The following RECQL5 variants were observed in gnomAD, a reference collection of about 807,000 sequenced individuals.
RECQL5 encodes the protein ATP-dependent DNA helicase Q5.
Under a neutral mutation model 103.4 loss-of-function variants are expected in RECQL5, and 88 were observed. The ratio of observed to expected loss-of-function variants is 0.85; its 90% CI spans 0.72 to 1.02. The LOEUF is 1.02. RECQL5 is among the 50% of genes least tolerant of loss of function. The pLI is 0.00. For synonymous variants in RECQL5, 552 were observed against 507.9 expected (o/e 1.09, Z -1.17); for missense variants, 1,232 against 1,284.3 (o/e 0.96, Z 0.62).
At chr17:75,628,099 G>A (rs1405792329) in intron 18 of RECQL5, 119 bp downstream of exon 18, 6 of 860,146 alleles carry the variant, frequency 7.0e-6, no homozygotes, top group African/African-American at 1.7e-5. Context: ...CAGGGAGGAC[G>A]GGCGTGGGGC....
At chr17:75,657,747 T>TC (rs1355749833) in intron 7 of RECQL5, among the ~76,000 whole-genome samples, 3 of 112,204 alleles carry the variant, frequency 2.7e-5, no homozygotes, top group African/African-American at 9.9e-5. Context: ...CCTTGTCTCT[T>TC]AAAAAAAAAA....
At position 75,640,392 on chromosome 17, in the gene RECQL5, G is replaced by A; in HGVS notation, c.1230-8724C>T. The A allele has an allele frequency of 6.8e-7, 1 of 1,466,920 alleles. No homozygotes were observed. The allele number at this position is 1,466,920 out of a possible 1,614,324, so 90.9% of individuals were successfully genotyped here. A position where few individuals can be genotyped will look rare whatever the true frequency, so the allele number is the denominator to read the frequency against. On this transcript the variant is annotated intron_variant, in intron 8 of 19. Transcript: ENST00000317905. This position sits in a 1 kb window ranked among gnomAD's most constrained non-coding sequence, Gnocchi z 4.6. ...CATCTGGGAGAGACCACACCATGGT[G>A]CCAGCCAGAGGGCTGGCAGAGGTGG... is the stretch of plus-strand genomic sequence containing the variant.
intron 7 of RECQL5, among the ~76,000 whole-genome samples, chr17:75,654,617 GTTTA>G (rs1307827662): frequency 1.3e-5 from 2 of 151,748 alleles, no homozygotes; most frequent in Admixed American, 1.3e-4. Context: ...ATTTTTATTT[GTTTA>G]TTTATTTATT....
At chr17:75,656,831 G>A (rs953584988) in intron 7 of RECQL5, among the ~76,000 whole-genome samples, 7 of 145,186 alleles carry the variant, frequency 4.8e-5, no homozygotes, top group Non-Finnish European at 1.0e-4. Context: ...TGCAAGCTCT[G>A]CCTCCTGGGT....
chr17:75,630,778 C>A lies in RECQL5; in HGVS notation c.1644+1G>T, dbSNP rs1351364831. The A allele has an allele frequency of 6.4e-7, 1 of 1,565,570 alleles. No homozygotes were observed. The highest frequency in any genetic ancestry group is 2.3e-5 in the East Asian group (1 of 43,056). On this transcript the variant is annotated splice_donor_variant, in intron 12 of 19. Coordinates refer to ENST00000317905, the MANE Select transcript of RECQL5 (RefSeq NM_004259.7). LOFTEE classifies it high-confidence loss of function. ...TGGCTGAGGAGCTGCCCGTCTCTTA[C>A]CTTCACAGTCAGCCTGGGGATCCTC...
intron 8 of RECQL5, chr17:75,633,450 G>T: frequency 7.8e-7 from 1 of 1,289,100 alleles, no homozygotes. Context: ...CCCAGCAGAA[G>T]GCCCTCACCT....
chr17:75,630,256 G>A lies in RECQL5; in HGVS notation c.1740C>T (p.Ala580=), dbSNP rs748275928. The A allele has an allele frequency of 1.8e-5, 28 of 1,561,242 alleles. No individual in the cohort carries two copies. The highest frequency in any genetic ancestry group is 3.3e-4 in the Middle Eastern group (2 of 5,994). Residue 580 remains alanine (A), a synonymous_variant, in exon 14 of 20, where the codon GCC becomes GCT. Coordinates refer to ENST00000317905, the MANE Select transcript of RECQL5 (RefSeq NM_004259.7). Reference sequence around the variant, plus strand: ...GGAATGTCTCATGTTCCAGCTCCACGGCCTTGGCCCGGAGGTCAGCTCTGT... The same window carrying A: ...GGAATGTCTCATGTTCCAGCTCCACAGCCTTGGCCCGGAGGTCAGCTCTGT... ...TADEADLRAK[A]VELEHETFRN...
intron 14 of RECQL5, among the ~76,000 whole-genome samples, 159 bp from the exon 15 acceptor site, chr17:75,630,001 G>C (rs2059176661): frequency 7.2e-6 from 1 of 139,242 alleles, no homozygotes; most frequent in Admixed American, 7.4e-5. Context: ...CATCCTCACA[G>C]GGTTGGCTAG....
At position 75,640,742 on chromosome 17, in the gene RECQL5, T is replaced by A. The variant is rs565540953; in HGVS notation, c.1230-9074A>T. On this transcript the variant is annotated intron_variant, in intron 8 of 19. Coordinates refer to ENST00000317905, the MANE Select transcript of RECQL5 (RefSeq NM_004259.7). The surrounding 1 kb of genome is among the most constrained non-coding windows in gnomAD (Gnocchi z 4.6). The stretch of plus-strand genomic sequence containing the variant: ...GGTTTCTCTGGGAGGAGGGTGGGCA[T>A]CCTTTCTCTCCCCCAACCTGAGTCC... 598 of 1,530,412 alleles carry A rather than the reference T, an allele frequency of 3.9e-4. 3 individuals are homozygous for A. The East Asian group carries it at 0.014, about 35-fold the overall frequency. 94.8% of individuals were successfully genotyped at this position (1,530,412 alleles called of 1,614,324 possible).
chr17:75,662,263 T>C (rs757924159), intron 4 of RECQL5, among the ~76,000 whole-genome samples: 14 of 152,190 alleles, frequency 9.2e-5, no homozygotes, highest in Non-Finnish European at 1.3e-4. Context: ...TCACACAGAC[T>C]GGCTGGCTGC....
intron 1 of RECQL5, 122 bp from the exon 2 acceptor site, chr17:75,666,693 T>G: frequency 4.2e-6 from 4 of 962,712 alleles, no homozygotes; most frequent in Non-Finnish European, 6.1e-6. Flanking sequence ...ATGTATTATT[T>G]TTAAGTAATA....
chr17:75,643,418 C>T (rs1015518880), intron 8 of RECQL5, among the ~76,000 whole-genome samples: 8 of 152,240 alleles, frequency 5.3e-5, no homozygotes, highest in Admixed American at 2.6e-4. Context: ...CTGCTGAGTC[C>T]GCACAGGATT....
At chr17:75,661,435 C>T (rs2059697803) in intron 5 of RECQL5, among the ~76,000 whole-genome samples, 171 bp downstream of exon 5, 1 of 152,198 alleles carries the variant, frequency 6.6e-6, no homozygotes, top group South Asian at 2.1e-4. Flanking sequence ...CATTTTAGAC[C>T]TCATTCATGT....
chr17:75,630,748 GC>G (rs781016037), intron 12 of RECQL5, 30 bp downstream of exon 12: 10 of 1,594,908 alleles, frequency 6.3e-6, no homozygotes, highest in Admixed American at 3.5e-5. Flanking sequence ...GAGGGCCCCG[GC>G]GGGTGGCTGA....
At position 75,650,103 on chromosome 17, in the gene RECQL5, T is replaced by C; in HGVS notation, c.1229+1083A>G. On this transcript the variant is annotated intron_variant, in intron 8 of 19. Coordinates refer to ENST00000317905, the MANE Select transcript of RECQL5 (RefSeq NM_004259.7). Reference sequence around the variant, plus strand: ...TGGCCCTTTCATTCCTCACCAGAAATAAGAGCTCTGCTCAAGAAGCCTAAG... The same window carrying C: ...TGGCCCTTTCATTCCTCACCAGAAACAAGAGCTCTGCTCAAGAAGCCTAAG... 3.0e-6 allele frequency: 3 copies of C among 985,800 alleles called. No individual in the cohort carries two copies. In the South Asian group the frequency reaches 1.4e-4, roughly 46 times the overall value. 61.1% of individuals were successfully genotyped at this position (985,800 alleles called of 1,614,324 possible).
At chr17:75,653,841 TG>T (rs2059584543) in intron 7 of RECQL5, among the ~76,000 whole-genome samples, 1 of 151,786 alleles carries the variant, frequency 6.6e-6, no homozygotes, top group Non-Finnish European at 1.5e-5. Context: ...GAGAATGCAG[TG>T]AGCTGAGATT....
chr17:75,662,995 G>A lies in RECQL5; in HGVS notation c.255C>T (p.Asp85=), dbSNP rs755988707. 6.3e-7 allele frequency: 1 copy of A among 1,589,340 alleles called. No individual in the cohort carries two copies. The highest frequency in any genetic ancestry group is 8.6e-7 in the Non-Finnish European group (1 of 1,167,414). ...TTAGGGTTAGCAAGTGGTCCACTTGGTCCTAAGAGAAGAGAAAGAGGCTGT... is the reference window on the plus strand; with the variant it reads ...TTAGGGTTAGCAAGTGGTCCACTTGATCCTAAGAGAAGAGAAAGAGGCTGT... ...VVSPLIALIQ[D]QVDHLLTLKV... is the part of the protein sequence containing the mutation. The change falls in exon 4 of 20, where the codon GAC becomes GAT. Residue 85 remains aspartate, a splice_region_variant and synonymous_variant. Coordinates refer to ENST00000317905, the MANE Select transcript of RECQL5 (RefSeq NM_004259.7).
At chr17:75,644,811 A>G (rs1480511188) in intron 8 of RECQL5, among the ~76,000 whole-genome samples, 1 of 143,378 alleles carries the variant, frequency 7.0e-6, no homozygotes, top group Admixed American at 7.2e-5. Flanking sequence ...CCTGGGCTAC[A>G]GAGTGAGACT....
chr17:75,627,855 T>G (rs2059127861), intron 18 of RECQL5, among the ~76,000 whole-genome samples, 163 bp from the exon 19 acceptor site: 1 of 151,954 alleles, frequency 6.6e-6, no homozygotes, highest in Non-Finnish European at 1.5e-5. Context: ...CTGACTCTAC[T>G]AAAAATACCA....
Sources: gnomAD v4.1 joint callset for allele counts (sites outside exome capture counted in the v4.1 genomes callset) on GRCh38, gnomAD v4.1.1 for gene constraint, Gnocchi (gnomAD v3.1) non-coding constraint, MANE v1.5 for transcripts, NCBI Gene and HGNC (gene_info 2026-07-23, HGNC 2026-07-21) for gene names.